The following ARPP21 variants were observed in gnomAD, a reference collection of about 807,000 sequenced individuals.
ARPP21 encodes the protein cAMP regulated phosphoprotein 21, also known as cAMP-regulated phosphoprotein 21.
Under a neutral mutation model 113.2 loss-of-function variants are expected in ARPP21, and 69 were observed. That is an observed-to-expected ratio of 0.61 (90% CI 0.50 to 0.74). ARPP21 has a LOEUF of 0.74. ARPP21 is among the 30% of genes least tolerant of loss of function. The pLI is 0.00. For synonymous variants in ARPP21, 368 were observed against 375.5 expected (o/e 0.98, Z 0.23); for missense variants, 1,070 against 1,037.4 (o/e 1.03, Z -0.43).
chr3:35,671,195 A>G (rs1428870378), intron 1 of ARPP21, among the ~76,000 whole-genome samples: 2 of 152,034 alleles, frequency 1.3e-5, no homozygotes, highest in Admixed American at 1.3e-4. Flanking sequence ...GGTCCTGAAC[A>G]TGGACACTTT....
At chr3:35,690,255 C>G in intron 8 of ARPP21, 115 bp downstream of exon 8, 1 of 652,734 alleles carries the variant, frequency 1.5e-6, no homozygotes, top group South Asian at 1.8e-5. Flanking sequence ...TAATATGTTC[C>G]TTGATTTGTT....
intron 1 of ARPP21, among the ~76,000 whole-genome samples, chr3:35,653,464 G>T (rs1398022638): frequency 2.0e-5 from 3 of 151,982 alleles, no homozygotes; most frequent in African/African-American, 7.2e-5. Flanking sequence ...TGAAACTGCC[G>T]CAAAGTACAC....
intron 11 of ARPP21, among the ~76,000 whole-genome samples, chr3:35,712,010 G>C (rs2091269615): frequency 6.6e-6 from 1 of 152,134 alleles, no homozygotes. Flanking sequence ...GGGATCATTG[G>C]GGGTGACCCT....
In ARPP21 at chr3:35,682,777, TC is replaced by T. The variant is rs1455136438; in HGVS notation, c.130-70del. ...TTCTCTCTTTCTTTCTCTCTCTCTC[TC>T]GGTTGTTGATTTACTGTTCGTTTTT... On this transcript the variant is annotated intron_variant, in intron 3 of 20. Transcript: ENST00000684406. The T allele has an allele frequency of 2.9e-6, 4 of 1,378,842 alleles. No individual in the cohort carries two copies. The African/African-American group carries it at 4.4e-5, about 15-fold the overall frequency. 85.4% of individuals were successfully genotyped at this position (1,378,842 alleles called of 1,614,324 possible). A position where few individuals can be genotyped will look rare whatever the true frequency, so the allele number is the denominator to read the frequency against.
At chr3:35,708,433 T>G (rs2089987074) in intron 10 of ARPP21, among the ~76,000 whole-genome samples, 1 of 152,250 alleles carries the variant, frequency 6.6e-6, no homozygotes, top group Non-Finnish European at 1.5e-5. Context: ...GATCAGTCAC[T>G]GAATGAATTA....
intron 6 of ARPP21, among the ~76,000 whole-genome samples, chr3:35,688,338 G>A (rs947797950): frequency 3.8e-4 from 58 of 151,572 alleles, no homozygotes; most frequent in African/African-American, 8.7e-4. Context: ...ATATGTCAAC[G>A]GAATACATGA....
chr3:35,715,683 C>A, intron 12 of ARPP21: 3 of 379,760 alleles, frequency 7.9e-6, no homozygotes, highest in Non-Finnish European at 4.7e-6. Flanking sequence ...CAGTTAATTC[C>A]AAACAGAATT....
chr3:35,694,095 T>C (rs923509894), intron 9 of ARPP21, among the ~76,000 whole-genome samples: 6 of 151,628 alleles, frequency 4.0e-5, no homozygotes, highest in Non-Finnish European at 7.4e-5. Context: ...TTGGCTAGAA[T>C]TTATTTCCCA....
intron 19 of ARPP21, among the ~76,000 whole-genome samples, chr3:35,764,199 G>A (rs2095873987): frequency 6.6e-6 from 1 of 152,046 alleles, no homozygotes; most frequent in Non-Finnish European, 1.5e-5. Flanking sequence ...AAAAATATAA[G>A]GTGGATGAAA....
chr3:35,715,660 A>C (rs754447034), intron 12 of ARPP21, 184 bp downstream of exon 12: 56 of 428,832 alleles, frequency 1.3e-4, no homozygotes, highest in Non-Finnish European at 2.0e-4. Flanking sequence ...AATTTGGAAA[A>C]AAAATTTTCT....
intron 9 of ARPP21, among the ~76,000 whole-genome samples, chr3:35,706,446 A>C (rs1476983117): frequency 2.0e-5 from 3 of 152,196 alleles, no homozygotes; most frequent in Non-Finnish European, 2.9e-5. Flanking sequence ...GTCAGAGTCT[A>C]CTGGAGCCAG....
intron 9 of ARPP21, among the ~76,000 whole-genome samples, chr3:35,699,375 C>T (rs1261756133): frequency 2.0e-5 from 3 of 151,514 alleles, no homozygotes; most frequent in African/African-American, 7.3e-5. Context: ...GTGATTTTAG[C>T]ACTTGTACTT....
chr3:35,734,420 C>T (rs1211026515), intron 15 of ARPP21, among the ~76,000 whole-genome samples: 2 of 152,038 alleles, frequency 1.3e-5, no homozygotes, highest in African/African-American at 4.8e-5. Flanking sequence ...AATGCATCTA[C>T]GTGATAGGAA....
chr3:35,668,015 A>AAGGAGAAGG (rs1559550236), intron 1 of ARPP21, among the ~76,000 whole-genome samples: 17 of 140,094 alleles, frequency 1.2e-4, no homozygotes, highest in African/African-American at 4.6e-4. Flanking sequence ...GAAGAAGAAG[A>AAGGAGAAGG]AGAAGAAGAA....
intron 19 of ARPP21, among the ~76,000 whole-genome samples, chr3:35,791,471 G>A (rs2096746398): frequency 6.6e-6 from 1 of 151,970 alleles, no homozygotes; most frequent in South Asian, 2.1e-4. Flanking sequence ...CTCTACCACT[G>A]TGTCATTTTC....
At chr3:35,740,345 C>T (rs1166294957) in intron 18 of ARPP21, among the ~76,000 whole-genome samples, 1 of 152,164 alleles carries the variant, frequency 6.6e-6, no homozygotes, top group African/African-American at 2.4e-5. Context: ...ACACCGATCC[C>T]AAGAAAATTC....
At chr3:35,715,936 T>C (rs1357348613) in intron 12 of ARPP21, 1 of 152,514 alleles carries the variant, frequency 6.6e-6, no homozygotes, top group Non-Finnish European at 1.5e-5. Flanking sequence ...AGTTTTTTTA[T>C]TCTAAACAAT....
intron 1 of ARPP21, among the ~76,000 whole-genome samples, chr3:35,667,033 C>A (rs993561809): frequency 6.6e-6 from 1 of 152,254 alleles, no homozygotes; most frequent in East Asian, 1.9e-4. Flanking sequence ...CAGAACCAAT[C>A]TGTCAGAATT....
intron 19 of ARPP21, among the ~76,000 whole-genome samples, chr3:35,763,761 G>C (rs2095860172): frequency 6.6e-6 from 1 of 152,132 alleles, no homozygotes; most frequent in East Asian, 1.9e-4. Flanking sequence ...GAAACCATGT[G>C]TTAAATTGTA....
Sources: allele counts gnomAD v4.1 joint callset (sites outside exome capture counted in the v4.1 genomes callset), GRCh38; gene constraint gnomAD v4.1.1; transcripts MANE v1.5; gene names NCBI Gene and HGNC (gene_info 2026-07-23, HGNC 2026-07-21).